Variants in CSMD1 observed in about 807,000 individuals in gnomAD.
CSMD1 encodes CUB and sushi domain-containing protein 1.
A neutral mutation model predicts 417.5 loss-of-function variants in CSMD1; 213 were observed. That is an observed-to-expected ratio of 0.51 (90% CI 0.46 to 0.57). The LOEUF (loss-of-function observed/expected upper bound fraction) is 0.57, where lower values mean the gene tolerates loss of function less well. CSMD1 is among the 20% of genes least tolerant of loss of function. CSMD1 has a pLI of 0.00. For missense variants in CSMD1, 6,923 were observed against 4,529.7 expected (o/e 1.53, Z -15.17); for synonymous variants, 2,862 against 1,736.8 (o/e 1.65, Z -16.11).
chr8:3,723,297 C>G (rs549169843), intron 6 of CSMD1, among the ~76,000 whole-genome samples: 29 of 152,280 alleles, frequency 1.9e-4, no homozygotes, highest in African/African-American at 6.5e-4. Flanking sequence ...AAAACCTCTT[C>G]TCAGGAAAAA....
chr8:4,004,822 G>C (rs1046303967), intron 4 of CSMD1, among the ~76,000 whole-genome samples: 1 of 152,102 alleles, frequency 6.6e-6, no homozygotes, highest in African/African-American at 2.4e-5. Context: ...TTGGCTCACT[G>C]TAAGCTCCGC....
At chr8:3,189,660 G>C (rs1796298874) in intron 34 of CSMD1, among the ~76,000 whole-genome samples, 1 of 152,106 alleles carries the variant, frequency 6.6e-6, no homozygotes, top group Admixed American at 6.6e-5. Context: ...CATAACTTTA[G>C]AGTTGATGGC....
At chr8:4,730,016 C>A (rs1342664838) in intron 1 of CSMD1, among the ~76,000 whole-genome samples, 1 of 151,994 alleles carries the variant, frequency 6.6e-6, no homozygotes, top group Admixed American at 6.6e-5. Flanking sequence ...TGATTCAGAG[C>A]ACACCTGCTC....
At chr8:4,284,446 G>C (rs984876189) in intron 3 of CSMD1, among the ~76,000 whole-genome samples, 14 of 129,124 alleles carry the variant, frequency 1.1e-4, no homozygotes, top group Non-Finnish European at 2.2e-4. Flanking sequence ...CCTCCACTCC[G>C]TGTTCCCTCC....
intron 1 of CSMD1, among the ~76,000 whole-genome samples, chr8:4,817,498 G>T (rs528015741): frequency 7.2e-5 from 11 of 152,332 alleles, no homozygotes; most frequent in African/African-American, 2.6e-4. Context: ...CAATGATCCA[G>T]TTCTTATTCC....
At position 3,768,075 on chromosome 8, in the gene CSMD1, A is replaced by G. The variant is rs533458743; in HGVS notation, c.819-14033T>C. On this transcript the variant is annotated intron_variant, in intron 5 of 69. Transcript: ENST00000635120. ...CCCCGAGTATAGACAGCTACGGTCC[A>G]TATGATTTAGAGTCATATATTTAAA... Among the ~76,000 whole-genome samples the G allele has an allele frequency of 4.6e-5, 7 of 152,336 alleles. No individual in the cohort carries two copies. The South Asian group carries it at 1.0e-3, about 23-fold the overall frequency.
chr8:4,061,126 C>G (rs551681126), intron 3 of CSMD1, among the ~76,000 whole-genome samples: 10 of 152,248 alleles, frequency 6.6e-5, no homozygotes, highest in African/African-American at 2.2e-4. Flanking sequence ...AGATGGGCTC[C>G]AGCAGGCTCA....
intron 5 of CSMD1, among the ~76,000 whole-genome samples, chr8:3,810,137 G>C (rs1458705058): frequency 1.3e-5 from 2 of 152,060 alleles, no homozygotes; most frequent in African/African-American, 4.8e-5. Flanking sequence ...GTGCTCCCAG[G>C]CCCCAACTGA....
chr8:4,118,110 G>C (rs1802265560), intron 3 of CSMD1, among the ~76,000 whole-genome samples: 2 of 152,086 alleles, frequency 1.3e-5, no homozygotes, highest in African/African-American at 4.8e-5. Context: ...TGTGTTTGCA[G>C]GTGTACAGAA....
intron 1 of CSMD1, chr8:4,787,543 C>T (rs1057426251): frequency 7.9e-6 from 11 of 1,390,870 alleles, no homozygotes; most frequent in Non-Finnish European, 1.1e-5. Context: ...AAACTGCCTT[C>T]ACCAGAAAAT....
intron 2 of CSMD1, among the ~76,000 whole-genome samples, chr8:4,425,465 C>T (rs1351533629): frequency 1.3e-4 from 19 of 151,396 alleles, no homozygotes; most frequent in Admixed American, 1.3e-3. Context: ...AAAGAGCTTT[C>T]AAGAGCTAAA....
At chr8:3,985,232 A>G (rs1814230927) in intron 5 of CSMD1, among the ~76,000 whole-genome samples, 1 of 152,192 alleles carries the variant, frequency 6.6e-6, no homozygotes, top group Middle Eastern at 3.2e-3. Flanking sequence ...GACGGGTTAT[A>G]AATTGAAGTC....
chr8:4,969,704 C>T (rs1233220419), intron 1 of CSMD1, among the ~76,000 whole-genome samples: 2 of 151,948 alleles, frequency 1.3e-5, no homozygotes, highest in Non-Finnish European at 2.9e-5. Flanking sequence ...GGGAAGATTC[C>T]TGCGGCTGGC....
At chr8:3,093,035 C>A (rs1428826173) in intron 47 of CSMD1, among the ~76,000 whole-genome samples, 1 of 152,112 alleles carries the variant, frequency 6.6e-6, no homozygotes, top group African/African-American at 2.4e-5. Flanking sequence ...CAGAGCAGTT[C>A]TCATGATTTT....
chr8:4,974,187 T>TC lies in CSMD1; in HGVS notation c.85+20144_85+20145insG, dbSNP rs1033648811. 2.8e-4 allele frequency among the ~76,000 whole-genome samples: 42 copies of TC among 151,838 alleles called. No homozygotes were observed. In the East Asian group the frequency reaches 6.8e-3, roughly 25 times the overall value. On this transcript the variant is annotated intron_variant, in intron 1 of 69. Transcript: ENST00000635120. Reference sequence around the variant, plus strand: ...ACATGCCACCACACCCAGCTAATTTTTTTTTTTTTTGTATTTTTAATAGAG... The same window carrying TC: ...ACATGCCACCACACCCAGCTAATTTTCTTTTTTTTTTGTATTTTTAATAGAG...
At chr8:3,424,351 G>C (rs1459073378) in intron 12 of CSMD1, among the ~76,000 whole-genome samples, 1 of 152,102 alleles carries the variant, frequency 6.6e-6, no homozygotes, top group Non-Finnish European at 1.5e-5. Flanking sequence ...AGCAAACTTG[G>C]GAAGCTATTG....
chr8:3,233,962 C>T (rs996395933), intron 26 of CSMD1, among the ~76,000 whole-genome samples: 4 of 152,170 alleles, frequency 2.6e-5, no homozygotes, highest in Admixed American at 2.0e-4. Context: ...TTGTGAGTTG[C>T]ATGCATCTAT....
intron 5 of CSMD1, among the ~76,000 whole-genome samples, chr8:3,832,096 T>G (rs184011504): frequency 6.6e-6 from 1 of 152,298 alleles, no homozygotes; most frequent in African/African-American, 2.4e-5. Context: ...TGTGGAATCC[T>G]GCCTTATGTG....
chr8:4,217,174 A>C (rs1386362534), intron 3 of CSMD1, among the ~76,000 whole-genome samples: 1 of 152,218 alleles, frequency 6.6e-6, no homozygotes, highest in Non-Finnish European at 1.5e-5. Flanking sequence ...AATACTTTTC[A>C]TGCCGCTGCT....
Sources: allele counts gnomAD v4.1 joint callset (sites outside exome capture counted in the v4.1 genomes callset), GRCh38; gene constraint gnomAD v4.1.1; transcripts MANE v1.5; gene names NCBI Gene and HGNC (gene_info 2026-07-23, HGNC 2026-07-21).